The following NUDC variants were observed in gnomAD, a reference collection of about 807,000 sequenced individuals.
The protein encoded by NUDC is nuclear migration protein nudC.
NUDC carries 14 observed loss-of-function variants against 45.0 expected under a neutral mutation model. The ratio of observed to expected loss-of-function variants is 0.31; its 90% CI spans 0.21 to 0.49. NUDC has a LOEUF of 0.49. NUDC is among the 20% of genes least tolerant of loss of function. The pLI, the probability that NUDC is intolerant of heterozygous loss-of-function variation, is 0.99. For missense variants in NUDC, 323 were observed against 426.2 expected (o/e 0.76, Z 2.13); for synonymous variants, 153 against 156.7 (o/e 0.98, Z 0.17).
chr1:26,922,341 C>G (rs2082098549), intron 1 of NUDC: 1 of 271,170 alleles, frequency 3.7e-6, no homozygotes, highest in African/African-American at 2.3e-5. Flanking sequence ...AGCACGTGGT[C>G]TTGTTAGGCC....
At chr1:26,907,386 G>A (rs1001311184) in intron 2 of NUDC, among the ~76,000 whole-genome samples, 1 of 152,194 alleles carries the variant, frequency 6.6e-6, no homozygotes, top group African/African-American at 2.4e-5. Context: ...CCACAGACAA[G>A]ATGTTTCATG....
intron 2 of NUDC, among the ~76,000 whole-genome samples, chr1:26,907,966 G>C (rs945841240): frequency 1.3e-5 from 2 of 152,146 alleles, no homozygotes; most frequent in Admixed American, 1.3e-4. Flanking sequence ...ATCACCTGAG[G>C]TCAGGAGTTT....
intron 2 of NUDC, among the ~76,000 whole-genome samples, chr1:26,939,137 G>A (rs1368648125): frequency 1.3e-5 from 2 of 152,140 alleles, no homozygotes; most frequent in Admixed American, 6.5e-5. Flanking sequence ...GGGACTACTG[G>A]CGTGTGCCAC....
Position 26,945,415 on chromosome 1 carries a change from G to A in NUDC, c.767G>A (p.Arg256His), listed in dbSNP as rs971477677. ...ATCAATAAGATGGAGTGGTGGAGCCGCTTGGTGTCCAGTGACCCTGAGATC... is the reference window on the plus strand; with the variant it reads ...ATCAATAAGATGGAGTGGTGGAGCCACTTGGTGTCCAGTGACCCTGAGATC... The part of the protein sequence containing the change: ...EKINKMEWWS[R>H]LVSSDPEINT... Residue 256 changes from arginine (R) to histidine (H), a missense_variant, in exon 7 of 9, where the codon CGC (arginine) becomes CAC (histidine). Physicochemically the swap from Arg to His is conservative, Grantham distance 29. Coordinates refer to ENST00000321265, the MANE Select transcript of NUDC (RefSeq NM_006600.4). 18 of 1,608,674 alleles carry A rather than the reference G, an allele frequency of 1.1e-5. No homozygotes were observed. The highest frequency in any genetic ancestry group is 3.3e-5 in the South Asian group (3 of 90,854).
chr1:26,938,943 G>T (rs541688890), intron 2 of NUDC, among the ~76,000 whole-genome samples: 5 of 152,314 alleles, frequency 3.3e-5, no homozygotes, highest in Admixed American at 3.3e-4. Context: ...GAATTGGTTT[G>T]CCAGGTGACC....
intron 2 of NUDC, among the ~76,000 whole-genome samples, chr1:26,906,705 C>T (rs531985705): frequency 9.3e-5 from 14 of 150,402 alleles, no homozygotes; most frequent in African/African-American, 2.9e-4. Context: ...AAAAATTGGC[C>T]GGGCGTGGTG....
At chr1:26,930,108 T>C (rs956979531) in intron 2 of NUDC, among the ~76,000 whole-genome samples, 1 of 152,164 alleles carries the variant, frequency 6.6e-6, no homozygotes, top group Non-Finnish European at 1.5e-5. Context: ...ATTCTTTAAA[T>C]ATTACCAGAG....
rs1476710216 is a variant in NUDC at position 26,921,756 on chromosome 1, G to C, written c.-93G>C. The C allele has an allele frequency of 2.9e-6, 4 of 1,356,746 alleles. No individual in the cohort carries two copies. Among genetic ancestry groups the C allele is most frequent in the Non-Finnish European group, 4.1e-6 (4 of 975,706 alleles). The allele number at this position is 1,356,746 out of a possible 1,614,324, so 84.0% of individuals were successfully genotyped here. A position where few individuals can be genotyped will look rare whatever the true frequency, so the allele number is the denominator to read the frequency against. ...TCCGGCTCCGCTGCGGAAGGCGGAC[G>C]ACTAGAGTCGTTGGGCCCGGCGCGA... On this transcript the variant is annotated 5_prime_UTR_variant, in exon 1 of 9. Coordinates refer to ENST00000321265, the MANE Select transcript of NUDC (RefSeq NM_006600.4).
intron 2 of NUDC, among the ~76,000 whole-genome samples, chr1:26,931,956 G>T (rs955934553): frequency 6.7e-6 from 1 of 149,760 alleles, no homozygotes; most frequent in African/African-American, 2.4e-5. Flanking sequence ...AAAATGTTGG[G>T]ATTATAGGTG....
At chr1:26,921,717 C>T (rs2082091755), upstream of NUDC, 7 of 983,568 alleles carry the variant, frequency 7.1e-6, no homozygotes, top group African/African-American at 3.2e-5. Context: ...TGGGCAGCCG[C>T]GCGCGTGCGT....
At chr1:26,906,371 G>A (rs1358773071) in intron 2 of NUDC, among the ~76,000 whole-genome samples, 6 of 151,882 alleles carry the variant, frequency 4.0e-5, no homozygotes, top group South Asian at 2.1e-4. Flanking sequence ...CACAAGAACC[G>A]CTTGAACCCA....
chr1:26,932,475 G>A (rs188083658), intron 2 of NUDC, among the ~76,000 whole-genome samples: 9 of 151,890 alleles, frequency 5.9e-5, no homozygotes, highest in East Asian at 3.9e-4. Context: ...CACTGCGCCC[G>A]GCCCCCAGCT....
chr1:26,911,462 T>A, intron 3 of NUDC: 1 of 344,536 alleles, frequency 2.9e-6, no homozygotes, highest in East Asian at 7.7e-5. Flanking sequence ...CCCTTCCATA[T>A]GCACAAATGA....
upstream of NUDC, among the ~76,000 whole-genome samples, chr1:26,918,226 G>A (rs578114230): frequency 1.5e-4 from 22 of 148,134 alleles, no homozygotes; most frequent in African/African-American, 5.0e-4. Context: ...CTGCTGGAGC[G>A]CAGTGGAGTG....
At chr1:26,942,838 G>A (rs940137202) in intron 5 of NUDC, 33 bp from the exon 6 acceptor site, 1 of 1,614,010 alleles carries the variant, frequency 6.2e-7, no homozygotes. Flanking sequence ...GCAGCACTTA[G>A]TGGCCTCTTC....
intron 3 of NUDC, among the ~76,000 whole-genome samples, chr1:26,915,935 G>T (rs1397570305): frequency 1.3e-5 from 2 of 152,100 alleles, no homozygotes; most frequent in African/African-American, 2.4e-5. Flanking sequence ...GACTGGCTGG[G>T]TTCAAATCCT....
intron 2 of NUDC, among the ~76,000 whole-genome samples, chr1:26,937,113 T>C (rs2082241345): frequency 6.6e-6 from 1 of 152,222 alleles, no homozygotes; most frequent in Non-Finnish European, 1.5e-5. Flanking sequence ...GTTACTTGTT[T>C]ATTATAAAAG....
chr1:26,937,932 A>G (rs1397162686), intron 2 of NUDC, among the ~76,000 whole-genome samples: 1 of 152,172 alleles, frequency 6.6e-6, no homozygotes, highest in Non-Finnish European at 1.5e-5. Context: ...TACAGATGGG[A>G]GCCCCCGTGC....
At chr1:26,928,803 C>T (rs1438924352) in intron 2 of NUDC, among the ~76,000 whole-genome samples, 2 of 152,292 alleles carry the variant, frequency 1.3e-5, no homozygotes, top group South Asian at 2.1e-4. Context: ...GAAACTGGAA[C>T]CCTTGTACAC....
Sources: allele counts gnomAD v4.1 joint callset (sites outside exome capture counted in the v4.1 genomes callset), GRCh38; gene constraint gnomAD v4.1.1; transcripts MANE v1.5; gene names NCBI Gene and HGNC (gene_info 2026-07-23, HGNC 2026-07-21).